The following PTPRN2 variants were observed in gnomAD, a reference collection of about 807,000 sequenced individuals.
PTPRN2 encodes protein tyrosine phosphatase receptor type N2, also known as receptor-type tyrosine-protein phosphatase N2.
PTPRN2 carries 74 observed loss-of-function variants against 118.8 expected under a neutral mutation model. The observed-to-expected ratio is 0.62, with a 90% CI of 0.52 to 0.76. PTPRN2 has a LOEUF of 0.76. Ranked by LOEUF, PTPRN2 falls within the 30% of genes least tolerant of loss-of-function variation. The pLI is 0.00. For synonymous variants in PTPRN2, 641 were observed against 608.0 expected (o/e 1.05, Z -0.80); for missense variants, 1,481 against 1,394.4 (o/e 1.06, Z -0.99).
intron 12 of PTPRN2, among the ~76,000 whole-genome samples, chr7:157,685,167 G>T (rs1487615528): frequency 1.3e-5 from 2 of 151,804 alleles, no homozygotes; most frequent in African/African-American, 4.8e-5. Flanking sequence ...GACCGGCGGA[G>T]GGGGCGCCCG....
At chr7:158,340,997 A>T (rs1806644566) in intron 2 of PTPRN2, among the ~76,000 whole-genome samples, 1 of 70,700 alleles carries the variant, frequency 1.4e-5, no homozygotes. Context: ...TCTCACCATA[A>T]GAGGTGAAAC....
intron 11 of PTPRN2, among the ~76,000 whole-genome samples, chr7:158,016,576 G>A (rs542048934): frequency 6.6e-6 from 1 of 152,314 alleles, no homozygotes; most frequent in African/African-American, 2.4e-5. Context: ...CAAGCAAGTC[G>A]CCTGCAATTG....
intron 11 of PTPRN2, among the ~76,000 whole-genome samples, chr7:158,039,356 T>G (rs10452680): frequency 0.5 from 76,661 of 151,978 alleles, 19,997 homozygotes; most frequent in Non-Finnish European, 0.56. Context: ...AGAAGTCCTC[T>G]TGAGGTCACA....
intron 3 of PTPRN2, among the ~76,000 whole-genome samples, chr7:158,255,365 G>A (rs912715481): frequency 6.6e-6 from 1 of 152,192 alleles, no homozygotes; most frequent in Non-Finnish European, 1.5e-5. Context: ...TAGGCCCAGG[G>A]CAGGAGTCCA....
chr7:158,332,816 C>G (rs1282929333), intron 2 of PTPRN2, among the ~76,000 whole-genome samples: 2 of 151,612 alleles, frequency 1.3e-5, no homozygotes, highest in African/African-American at 2.4e-5. Flanking sequence ...CACTCACGTA[C>G]ACACTTCTCA....
chr7:157,871,943 T>C (rs940287077), intron 12 of PTPRN2, among the ~76,000 whole-genome samples: 1 of 132,232 alleles, frequency 7.6e-6, no homozygotes, highest in Non-Finnish European at 1.6e-5. Flanking sequence ...CCCAGCACTT[T>C]CCCACACACA....
chr7:157,656,717 G>A (rs954615906), intron 13 of PTPRN2, among the ~76,000 whole-genome samples, 166 bp from the exon 14 acceptor site: 3 of 152,038 alleles, frequency 2.0e-5, no homozygotes, highest in East Asian at 1.9e-4. Flanking sequence ...GACGGTCAAC[G>A]CACCCCAAAG....
At chr7:158,395,221 A>C in intron 2 of PTPRN2, among the ~76,000 whole-genome samples, 1 of 145,782 alleles carries the variant, frequency 6.9e-6, no homozygotes, top group Non-Finnish European at 1.5e-5. Flanking sequence ...GATGGCACGC[A>C]GGCGCGGTCT....
At chr7:157,613,273 C>T (rs937712501) in intron 15 of PTPRN2, among the ~76,000 whole-genome samples, 3 of 152,248 alleles carry the variant, frequency 2.0e-5, no homozygotes, top group Non-Finnish European at 4.4e-5. Flanking sequence ...CCTTCGTTTC[C>T]GCTGTCAGCT....
intron 3 of PTPRN2, among the ~76,000 whole-genome samples, chr7:158,284,623 T>G (rs982121390): frequency 2.6e-5 from 4 of 152,114 alleles, no homozygotes; most frequent in Non-Finnish European, 5.9e-5. Context: ...CAGGTGCCCC[T>G]TCCTGTCCCA....
At chr7:158,422,027 A>G (rs1815295608) in intron 2 of PTPRN2, among the ~76,000 whole-genome samples, 1 of 152,230 alleles carries the variant, frequency 6.6e-6, no homozygotes, top group African/African-American at 2.4e-5. Context: ...CTTGGCAATC[A>G]AGTTCTGCAT....
At chr7:158,493,291 TCATA>T (rs1021299246) in intron 1 of PTPRN2, among the ~76,000 whole-genome samples, 1 of 152,140 alleles carries the variant, frequency 6.6e-6, no homozygotes, top group South Asian at 2.1e-4. Context: ...ACATGCACAC[TCATA>T]CATGCATGCA....
intron 11 of PTPRN2, among the ~76,000 whole-genome samples, chr7:158,020,500 C>CGTCCCG (rs1806792011): frequency 6.6e-6 from 1 of 152,202 alleles, no homozygotes; most frequent in Admixed American, 6.5e-5. Context: ...GTTTGGCCTG[C>CGTCCCG]ATCCTACGTC....
In PTPRN2 at chr7:157,939,122, C is replaced by A. The variant is rs111308829; in HGVS notation, c.1724-40385G>T. ...CCAAATTCCGAATTACAGTCAGATA[C>A]AGTAAAGCAAAGCACGCAGGTCCCC... On this transcript the variant is annotated intron_variant, in intron 11 of 22. Transcript: ENST00000389418. 3.3e-5 allele frequency among the ~76,000 whole-genome samples: 5 copies of A among 150,230 alleles called. 1 individual carries two copies. Among genetic ancestry groups the A allele is most frequent in the Admixed American group, 2.6e-4 (4 of 15,104 alleles).
At chr7:158,442,882 C>G (rs936330402) in intron 2 of PTPRN2, among the ~76,000 whole-genome samples, 14 of 140,904 alleles carry the variant, frequency 9.9e-5, no homozygotes, top group African/African-American at 3.4e-4. Flanking sequence ...ATTTTATCTC[C>G]TGCCACCATT....
chr7:158,313,226 G>A (rs1802018542), intron 3 of PTPRN2, among the ~76,000 whole-genome samples: 1 of 152,144 alleles, frequency 6.6e-6, no homozygotes, highest in African/African-American at 2.4e-5. Flanking sequence ...ACACACCAAT[G>A]GCCCTGGCAA....
chr7:157,997,861 G>A (rs1226422422), intron 11 of PTPRN2, among the ~76,000 whole-genome samples: 6 of 123,718 alleles, frequency 4.8e-5, no homozygotes, highest in African/African-American at 1.9e-4. Flanking sequence ...GTGCAGGGCT[G>A]GGGGAGAGTA....
At position 157,785,209 on chromosome 7, in the gene PTPRN2, C is replaced by T. The variant is rs752177586; in HGVS notation, c.1789-102272G>A. 3.9e-5 allele frequency among the ~76,000 whole-genome samples: 6 copies of T among 152,090 alleles called. No individual in the cohort carries two copies. Among genetic ancestry groups the T allele is most frequent in the African/African-American group, 7.2e-5 (3 of 41,486 alleles). On this transcript the variant is annotated intron_variant, in intron 12 of 22. Transcript: ENST00000389418. This position sits in a 1 kb window ranked among gnomAD's most constrained non-coding sequence, Gnocchi z 7.3. ...CATGGAGCAGGATAACCCGGGCCCA[C>T]GTGGGGACACGCCCCGCCCCACAGG...
At chr7:158,187,735 GC>G (rs1825291446) in intron 5 of PTPRN2, among the ~76,000 whole-genome samples, 1 of 152,192 alleles carries the variant, frequency 6.6e-6, no homozygotes, top group South Asian at 2.1e-4. Context: ...TGACAGCTGT[GC>G]TAAATGTCTG....
Sources: allele counts gnomAD v4.1 joint callset (sites outside exome capture counted in the v4.1 genomes callset), GRCh38; gene constraint gnomAD v4.1.1; non-coding constraint Gnocchi (gnomAD v3.1); transcripts MANE v1.5; gene names NCBI Gene and HGNC (gene_info 2026-07-23, HGNC 2026-07-21).